Variants in MACROH2A2 observed in about 807,000 individuals in gnomAD.
MACROH2A2 encodes the protein core histone macro-H2A.2.
Under a neutral mutation model 37.6 loss-of-function variants are expected in MACROH2A2, and 6 were observed. The observed-to-expected ratio is 0.16, with a 90% CI of 0.09 to 0.32. The LOEUF is 0.32. MACROH2A2 is among the 10% of genes least tolerant of loss of function. The pLI is 1.00. For missense variants in MACROH2A2, 290 were observed against 485.9 expected, an observed-to-expected ratio of 0.60 and a Z score of 3.79; for synonymous variants, 192 against 202.7, an observed-to-expected ratio of 0.95 and a Z score of 0.45.
At chr10:70,059,474 G>C (rs2072038621) in intron 1 of MACROH2A2, among the ~76,000 whole-genome samples, 2 of 151,596 alleles carry the variant, frequency 1.3e-5, no homozygotes, top group Non-Finnish European at 2.9e-5. Context: ...CTAGGTTCAT[G>C]ATTTTCCTGC....
intron 7 of MACROH2A2, among the ~76,000 whole-genome samples, chr10:70,101,186 A>G (rs2072304844): frequency 6.6e-6 from 1 of 152,214 alleles, no homozygotes; most frequent in Non-Finnish European, 1.5e-5. Context: ...AGCCCAGGCT[A>G]TTTATTGGTG....
intron 1 of MACROH2A2, among the ~76,000 whole-genome samples, chr10:70,073,532 A>G (rs548591356): frequency 1.8e-4 from 28 of 152,204 alleles, no homozygotes; most frequent in Non-Finnish European, 4.0e-4. Flanking sequence ...TGGTGGCAAA[A>G]CGACATATGA....
intron 1 of MACROH2A2, among the ~76,000 whole-genome samples, chr10:70,070,166 TAAA>T (rs2072100859): frequency 1.3e-5 from 2 of 152,112 alleles, no homozygotes; most frequent in African/African-American, 4.8e-5. Flanking sequence ...CCTGGCTGCT[TAAA>T]TTCCGCACAA....
chr10:70,062,418 CAT>C (rs2072055225), intron 1 of MACROH2A2, among the ~76,000 whole-genome samples: 1 of 152,128 alleles, frequency 6.6e-6, no homozygotes, highest in African/African-American at 2.4e-5. Flanking sequence ...TAAAACAGTA[CAT>C]GAGTCCATTA....
intron 4 of MACROH2A2, among the ~76,000 whole-genome samples, chr10:70,093,137 A>G (rs2072256236): frequency 6.6e-6 from 1 of 152,130 alleles, no homozygotes; most frequent in South Asian, 2.1e-4. Flanking sequence ...AGCCTCCCAA[A>G]GCATTGGAAT....
At chr10:70,058,762 T>C (rs1181833208) in intron 1 of MACROH2A2, among the ~76,000 whole-genome samples, 1 of 152,116 alleles carries the variant, frequency 6.6e-6, no homozygotes, top group African/African-American at 2.4e-5. Context: ...CAAACCCCAA[T>C]AGCTTATACA....
intron 1 of MACROH2A2, among the ~76,000 whole-genome samples, chr10:70,061,921 A>T (rs1053793061): frequency 1.3e-5 from 2 of 152,224 alleles, no homozygotes; most frequent in South Asian, 4.1e-4. Flanking sequence ...TCATTCACTT[A>T]AAGGTGGCCT....
chr10:70,086,340 T>C (rs1175352887), intron 2 of MACROH2A2, among the ~76,000 whole-genome samples: 2 of 151,114 alleles, frequency 1.3e-5, no homozygotes, highest in Non-Finnish European at 3.0e-5. Flanking sequence ...CTAGAACACA[T>C]AATCAAGATT....
chr10:70,079,565 G>GCGCGCGCACGCACACA (rs1386558755), intron 2 of MACROH2A2, among the ~76,000 whole-genome samples: 40 of 126,266 alleles, frequency 3.2e-4, no homozygotes, highest in South Asian at 8.2e-4. Flanking sequence ...GCGCGCGCGC[G>GCGCGCGCACGCACACA]CACACACACA....
At chr10:70,087,117 G>C (rs972159925) in intron 2 of MACROH2A2, among the ~76,000 whole-genome samples, 1 of 152,142 alleles carries the variant, frequency 6.6e-6, no homozygotes, top group African/African-American at 2.4e-5. Flanking sequence ...CTTGAGTCCA[G>C]GAGGTTAAGG....
intron 1 of MACROH2A2, among the ~76,000 whole-genome samples, chr10:70,055,016 T>A (rs1367942254): frequency 1.3e-5 from 2 of 152,228 alleles, no homozygotes; most frequent in Non-Finnish European, 2.9e-5. Flanking sequence ...GGAGTGTCCC[T>A]GTGATTCTGA....
In MACROH2A2 at chr10:70,068,648, A is replaced by T. The variant is rs567732613; in HGVS notation, c.-59-6952A>T. On this transcript the variant is annotated intron_variant, in intron 1 of 8. Transcript: ENST00000373255. ...CCCAGCTTTGCAAGAAAAAAATGGC[A>T]TCATCTAAAGGAACATAGTGCACCC... 3.3e-5 allele frequency among the ~76,000 whole-genome samples: 5 copies of T among 152,346 alleles called. No individual in the cohort carries two copies. In the South Asian group the frequency reaches 1.0e-3, roughly 32 times the overall value.
At chr10:70,108,391 G>C (rs1034518560) in intron 7 of MACROH2A2, among the ~76,000 whole-genome samples, 1 of 152,252 alleles carries the variant, frequency 6.6e-6, no homozygotes, top group African/African-American at 2.4e-5. Flanking sequence ...GGCAGGGCTG[G>C]TTCCTTCTGG....
chr10:70,102,700 GAGAA>G (rs1307405970), intron 7 of MACROH2A2, among the ~76,000 whole-genome samples: 2 of 151,744 alleles, frequency 1.3e-5, no homozygotes, highest in Admixed American at 1.3e-4. Context: ...CTGGGCAACA[GAGAA>G]AGATTCTGTC....
intron 1 of MACROH2A2, among the ~76,000 whole-genome samples, chr10:70,061,904 A>C (rs2072052510): frequency 6.6e-6 from 1 of 152,192 alleles, no homozygotes; most frequent in South Asian, 2.1e-4. Context: ...AAAATTATTG[A>C]CTATTCTCAT....
chr10:70,082,917 A>T (rs2072188878), intron 2 of MACROH2A2, among the ~76,000 whole-genome samples: 1 of 151,988 alleles, frequency 6.6e-6, no homozygotes, highest in Non-Finnish European at 1.5e-5. Flanking sequence ...TTGTGAATAT[A>T]CTTAATGCCA....
At chr10:70,060,177 C>T (rs778729750) in intron 1 of MACROH2A2, among the ~76,000 whole-genome samples, 4 of 151,930 alleles carry the variant, frequency 2.6e-5, no homozygotes, top group Admixed American at 1.3e-4. Flanking sequence ...GGAGACCAGT[C>T]TGGCCCACAT....
chr10:70,092,064 A>G, intron 4 of MACROH2A2, 110 bp downstream of exon 4: 2 of 842,404 alleles, frequency 2.4e-6, no homozygotes, highest in Middle Eastern at 3.6e-4. Flanking sequence ...GCATAGGATT[A>G]CAAGGTGTGG....
intron 5 of MACROH2A2, among the ~76,000 whole-genome samples, chr10:70,095,262 G>T (rs2072268042): frequency 6.6e-6 from 1 of 152,006 alleles, no homozygotes; most frequent in African/African-American, 2.4e-5. Flanking sequence ...CAGCTACTCA[G>T]GAGGCTGAGG....
Sources: gnomAD v4.1 joint callset for allele counts (sites outside exome capture counted in the v4.1 genomes callset) on GRCh38, gnomAD v4.1.1 for gene constraint, MANE v1.5 for transcripts, NCBI Gene and HGNC (gene_info 2026-07-23, HGNC 2026-07-21) for gene names.